NAT1: variants seen among roughly 807,000 people sequenced by gnomAD.
The protein encoded by NAT1 is N-acetyltransferase 1, also known as arylamine N-acetyltransferase 1.
For missense variants in NAT1, 400 were observed against 339.2 expected, an observed-to-expected ratio of 1.18 and a Z score of -1.41; for synonymous variants, 144 against 122.6, an observed-to-expected ratio of 1.17 and a Z score of -1.16.
At chr8:18,204,828 T>C (rs934683050) in intron 2 of NAT1, among the ~76,000 whole-genome samples, 2 of 152,226 alleles carry the variant, frequency 1.3e-5, no homozygotes, top group African/African-American at 4.8e-5. Context: ...AAGACAGATA[T>C]GAGGATGTTG....
At chr8:18,189,892 C>T (rs372048638) in intron 2 of NAT1, among the ~76,000 whole-genome samples, 13 of 152,206 alleles carry the variant, frequency 8.5e-5, no homozygotes, top group South Asian at 2.1e-4. Flanking sequence ...TGGGTTCAAG[C>T]GATTCTCCTG....
chr8:18,170,497 G>A (rs2117185676), exon 1 of NAT1: 1 of 152,248 alleles, frequency 6.6e-6, no homozygotes, highest in South Asian at 2.1e-4. Context: ...AGGCCAAACT[G>A]CACAAATCAG....
Position 18,219,461 on chromosome 8 carries a change from A to T in NAT1, c.-35A>T, listed in dbSNP as rs1397542565. ...TCTGTCTTCTGGATTAAAACTGAAG[A>T]TCAACCTACTTTCAACTTACTAAGA... On this transcript the variant is annotated 5_prime_UTR_variant, in exon 2 of 3. Coordinates refer to ENST00000307719, the MANE Select transcript of NAT1 (RefSeq NM_000662.8). 2 of 1,550,694 alleles carry T rather than the reference A, an allele frequency of 1.3e-6. No homozygotes were observed. The highest frequency in any genetic ancestry group is 1.7e-6 in the Non-Finnish European group (2 of 1,146,500).
chr8:18,210,661 A>C (rs1443180598), intron 1 of NAT1, among the ~76,000 whole-genome samples: 1 of 152,236 alleles, frequency 6.6e-6, no homozygotes, highest in African/African-American at 2.4e-5. Context: ...TACAGGCAGC[A>C]AGCTCGTAAT....
intron 2 of NAT1, among the ~76,000 whole-genome samples, chr8:18,181,312 G>T (rs1447472268): frequency 1.3e-5 from 2 of 151,756 alleles, no homozygotes; most frequent in Non-Finnish European, 2.9e-5. Context: ...TTTGCAATTG[G>T]CTATTGGCTG....
At chr8:18,212,501 C>T (rs1035240447) in intron 1 of NAT1, 5 of 152,278 alleles carry the variant, frequency 3.3e-5, no homozygotes, top group Admixed American at 1.3e-4. Context: ...GCCCCAGCTG[C>T]AGCCTGGATG....
At position 18,219,446 on chromosome 8, in the gene NAT1, G is replaced by A. The variant is rs1404338131; in HGVS notation, c.-50G>A. ...AGGAAGAAGCAGCAATCTGTCTTCTGGATTAAAACTGAAGATCAACCTACT... is the reference window on the plus strand; with the variant it reads ...AGGAAGAAGCAGCAATCTGTCTTCTAGATTAAAACTGAAGATCAACCTACT... On this transcript the variant is annotated 5_prime_UTR_variant, in exon 2 of 3. Coordinates refer to ENST00000307719, the MANE Select transcript of NAT1 (RefSeq NM_000662.8). The A allele has an allele frequency of 6.5e-7, 1 of 1,549,988 alleles. No individual in the cohort carries two copies. The highest frequency in any genetic ancestry group is 2.4e-5 in the East Asian group (1 of 40,818).
chr8:18,220,729 C>A (rs1012966247), intron 2 of NAT1, among the ~76,000 whole-genome samples: 1 of 152,092 alleles, frequency 6.6e-6, no homozygotes, highest in African/African-American at 2.4e-5. Context: ...ATGAATACCC[C>A]ACCAGCTTCT....
chr8:18,183,183 C>A (rs913950141), intron 2 of NAT1, among the ~76,000 whole-genome samples: 11 of 152,118 alleles, frequency 7.2e-5, no homozygotes, highest in African/African-American at 1.2e-4. Flanking sequence ...CAAGAGAGAG[C>A]CCACTCTTGA....
At chr8:18,190,099 C>T (rs765548994) in intron 2 of NAT1, among the ~76,000 whole-genome samples, 1 of 152,028 alleles carries the variant, frequency 6.6e-6, no homozygotes, top group Non-Finnish European at 1.5e-5. Flanking sequence ...CTGCTATTGA[C>T]ATTTTATATT....
At chr8:18,214,477 C>T (rs1259819264) in intron 1 of NAT1, among the ~76,000 whole-genome samples, 2 of 152,202 alleles carry the variant, frequency 1.3e-5, no homozygotes, top group Non-Finnish European at 2.9e-5. Context: ...TTTTGTGTAA[C>T]ATTCTCTTGC....
intron 2 of NAT1, among the ~76,000 whole-genome samples, chr8:18,181,991 A>G (rs1328768891): frequency 2.0e-5 from 3 of 152,130 alleles, no homozygotes; most frequent in Admixed American, 1.3e-4. Context: ...AAATTCCAAT[A>G]CAAATTCCCA....
chr8:18,179,525 A>C (rs1426796826), intron 2 of NAT1, among the ~76,000 whole-genome samples: 1 of 152,290 alleles, frequency 6.6e-6, no homozygotes, highest in East Asian at 1.9e-4. Context: ...GTGCTACAGC[A>C]AAAGGCTAAG....
intron 2 of NAT1, among the ~76,000 whole-genome samples, chr8:18,172,275 G>A (rs1802125266): frequency 6.6e-6 from 1 of 152,150 alleles, no homozygotes; most frequent in South Asian, 2.1e-4. Flanking sequence ...AGCTCCACAT[G>A]TTTTATAAGA....
At chr8:18,181,951 G>T (rs1802540296) in intron 2 of NAT1, among the ~76,000 whole-genome samples, 1 of 152,084 alleles carries the variant, frequency 6.6e-6, no homozygotes, top group African/African-American at 2.4e-5. Context: ...CTCTGCCTGT[G>T]CTGTGTTGCA....
rs1378306478 is a variant in NAT1 at position 18,178,644 on chromosome 8, G to C, written n.92+7905G>C. ...CACTGTTCTTTCCATTTAAGTCACAGATGAATAGAATTGCAAGGCTTTCAG... is the reference window on the plus strand; with the variant it reads ...CACTGTTCTTTCCATTTAAGTCACACATGAATAGAATTGCAAGGCTTTCAG... On this transcript the variant is annotated intron_variant and non_coding_transcript_variant, in intron 2 of 4. Coordinates refer to the NAT1 transcript ENST00000517441. Among the ~76,000 whole-genome samples the C allele has an allele frequency of 5.3e-5, 8 of 152,152 alleles. No homozygotes were observed. The South Asian group carries it at 1.0e-3, about 20-fold the overall frequency.
chr8:18,198,070 T>C (rs912762550), intron 2 of NAT1, among the ~76,000 whole-genome samples: 2 of 152,140 alleles, frequency 1.3e-5, no homozygotes, highest in Non-Finnish European at 2.9e-5. Context: ...ATTTTAGAGA[T>C]ACCATGCCTT....
At chr8:18,191,048 G>C (rs983169411) in intron 2 of NAT1, among the ~76,000 whole-genome samples, 1 of 141,782 alleles carries the variant, frequency 7.1e-6, no homozygotes, top group Non-Finnish European at 1.5e-5. Context: ...CTGAGTGACA[G>C]AGCAAGACTG....
intron 2 of NAT1, among the ~76,000 whole-genome samples, chr8:18,189,160 A>G (rs1802874745): frequency 6.6e-6 from 1 of 152,132 alleles, no homozygotes; most frequent in Admixed American, 6.6e-5. Flanking sequence ...ATAATTTGCT[A>G]CAGTTTTTTT....
Sources: allele counts gnomAD v4.1 joint callset (sites outside exome capture counted in the v4.1 genomes callset), GRCh38; gene constraint gnomAD v4.1.1; transcripts MANE v1.5; gene names NCBI Gene and HGNC (gene_info 2026-07-23, HGNC 2026-07-21).